The following CRYBB1 variants were observed in gnomAD, a reference collection of about 807,000 sequenced individuals.
The protein encoded by CRYBB1 is crystallin beta B1.
In CRYBB1, 16 loss-of-function variants were observed where a neutral mutation model predicts 29.5. The ratio of observed to expected loss-of-function variants is 0.54; its 90% CI spans 0.37 to 0.82. The LOEUF (loss-of-function observed/expected upper bound fraction) is 0.82, where lower values mean the gene tolerates loss of function less well. Among genes scored for constraint, CRYBB1 ranks in the 40% least tolerant of loss-of-function variants. The probability of loss-of-function intolerance (pLI) is 0.00; values close to 1 mark genes in which losing one functional copy is unlikely to be tolerated. For missense variants in CRYBB1, 300 were observed against 350.5 expected, an observed-to-expected ratio of 0.86 and a Z score of 1.15; for synonymous variants, 127 against 136.7, an observed-to-expected ratio of 0.93 and a Z score of 0.49.
At chr22:26,603,074 G>A (rs1157912519) in intron 4 of CRYBB1, among the ~76,000 whole-genome samples, 1 of 144,684 alleles carries the variant, frequency 6.9e-6, no homozygotes, top group Non-Finnish European at 1.5e-5. Flanking sequence ...GCAGTGAGCC[G>A]AGATCGTGCC....
chr22:26,605,500 C>A (rs534899864), intron 4 of CRYBB1, among the ~76,000 whole-genome samples: 72 of 151,874 alleles, frequency 4.7e-4, no homozygotes, highest in African/African-American at 1.6e-3. Context: ...ATGATGAAAC[C>A]CTGTCTCTAT....
chr22:26,607,366 G>A (rs1366561489), intron 4 of CRYBB1, among the ~76,000 whole-genome samples: 1 of 151,986 alleles, frequency 6.6e-6, no homozygotes, highest in Non-Finnish European at 1.5e-5. Flanking sequence ...CAACCAGCAT[G>A]TTTGGTGTTT....
At chr22:26,601,127 G>T (rs1400115559) in intron 5 of CRYBB1, among the ~76,000 whole-genome samples, 1 of 152,204 alleles carries the variant, frequency 6.6e-6, no homozygotes, top group African/African-American at 2.4e-5. Flanking sequence ...AAAGGCCATA[G>T]CCATGATGGT....
intron 3 of CRYBB1, 25 bp from the exon 4 acceptor site, chr22:26,608,046 C>G (rs1569205595): frequency 9.3e-6 from 15 of 1,614,056 alleles, no homozygotes; most frequent in African/African-American, 1.3e-5. Flanking sequence ...GACCATGAGG[C>G]AGACAGGAGA....
intron 3 of CRYBB1, among the ~76,000 whole-genome samples, chr22:26,608,962 T>G (rs1046732056): frequency 6.6e-6 from 1 of 152,284 alleles, no homozygotes; most frequent in East Asian, 1.9e-4. Context: ...TGAAGATTGA[T>G]TAAGGACAAG....
chr22:26,605,045 T>C (rs1928933538), intron 4 of CRYBB1, among the ~76,000 whole-genome samples: 3 of 152,164 alleles, frequency 2.0e-5, no homozygotes, highest in African/African-American at 7.2e-5. Context: ...ATCGTTGCTC[T>C]AGGAGTTTTG....
chr22:26,605,392 G>A (rs1426320126), intron 4 of CRYBB1, among the ~76,000 whole-genome samples: 1 of 152,132 alleles, frequency 6.6e-6, no homozygotes, highest in African/African-American at 2.4e-5. Context: ...CAGGCCAACT[G>A]GTTGGGCGCA....
At position 26,611,454 on chromosome 22, in the gene CRYBB1, G is replaced by GT. The variant is rs751632589; in HGVS notation, c.299+617dup. On this transcript the variant is annotated intron_variant, in intron 3 of 5. Coordinates refer to ENST00000647684, the MANE Select transcript of CRYBB1 (RefSeq NM_001887.4). Reference sequence around the variant, plus strand: ...AGCCCTCGGTAATGGGCTAGAGTTTGTTTTTTTTTTTTTTGTTTTTTTTTT... The same window carrying GT: ...AGCCCTCGGTAATGGGCTAGAGTTTGTTTTTTTTTTTTTTTGTTTTTTTTTT... 2.9e-3 allele frequency among the ~76,000 whole-genome samples: 414 copies of GT among 142,748 alleles called. 3 individuals are homozygous for GT. The highest frequency in any genetic ancestry group is 4.2e-3 in the Non-Finnish European group (270 of 64,778). 93.6% of individuals were successfully genotyped at this position (142,748 alleles called of 152,430 possible). A position where few individuals can be genotyped will look rare whatever the true frequency, so the allele number is the denominator to read the frequency against.
At chr22:26,599,958 A>G (rs976264195) in intron 5 of CRYBB1, among the ~76,000 whole-genome samples, 6 of 152,236 alleles carry the variant, frequency 3.9e-5, no homozygotes, top group African/African-American at 1.4e-4. Context: ...TTTGCTAAGC[A>G]TGTTGCCTGT....
rs779669919 is a variant in CRYBB1 at position 26,616,269 on chromosome 22, T to C, written c.51A>G (p.Pro17=). The change falls in exon 2 of 6, where the codon CCA becomes CCG. Residue 17 remains proline, a synonymous_variant. Coordinates refer to ENST00000647684, the MANE Select transcript of CRYBB1 (RefSeq NM_001887.4). The part of the protein sequence containing the change: ...ASASATVAVN[P]GPDTKGKGAP... ...CCCCCTTCCCCTTGGTGTCAGGCCC[T>C]GGGTTCACCGCCACTGTGGCCGAGG... The C allele has an allele frequency of 3.1e-6, 5 of 1,613,838 alleles. No individual in the cohort carries two copies. In the South Asian group the frequency reaches 5.5e-5, roughly 18 times the overall value.
At chr22:26,602,158 TG>T (rs1217423408) in intron 4 of CRYBB1, 137 bp from the exon 5 acceptor site, 6 of 1,091,606 alleles carry the variant, frequency 5.5e-6, no homozygotes, top group Non-Finnish European at 8.1e-6. Context: ...GGACCACTGC[TG>T]TCTAGTCTGG....
In CRYBB1 at chr22:26,599,574, C is replaced by T. The variant is rs1393271770; in HGVS notation, c.675G>A (p.Gln225=). The change falls in exon 6 of 6, where the codon CAG becomes CAA. Residue 225 remains glutamine, a synonymous_variant. Coordinates refer to ENST00000647684, the MANE Select transcript of CRYBB1 (RefSeq NM_001887.4). The stretch of plus-strand genomic sequence containing the variant: ...CACGCAGGCGACGCAGGGACTGCAT[C>T]TGTGGCTGGAAGGCTCCCCACTCAT... ...HWNEWGAFQP[Q]MQSLRRLRDK... is the part of the protein sequence containing the mutation. 2 of 1,614,236 alleles carry T rather than the reference C, an allele frequency of 1.2e-6. No individual in the cohort carries two copies. Among genetic ancestry groups the T allele is most frequent in the Non-Finnish European group, 1.7e-6 (2 of 1,180,044 alleles).
chr22:26,614,432 A>T (rs2145971385), intron 2 of CRYBB1, among the ~76,000 whole-genome samples: 1 of 152,304 alleles, frequency 6.6e-6, no homozygotes, highest in East Asian at 1.9e-4. Context: ...AAAAGAATCT[A>T]TGTGAATATC....
At chr22:26,613,948 G>A (rs1197925146) in intron 2 of CRYBB1, among the ~76,000 whole-genome samples, 2 of 152,122 alleles carry the variant, frequency 1.3e-5, no homozygotes, top group African/African-American at 4.8e-5. Flanking sequence ...GGCCCCCCTG[G>A]GCGTGGTCGT....
At chr22:26,617,475 T>C (rs1488041145) in intron 1 of CRYBB1, among the ~76,000 whole-genome samples, 1 of 152,172 alleles carries the variant, frequency 6.6e-6, no homozygotes, top group Non-Finnish European at 1.5e-5. Flanking sequence ...GTGCCCCCTG[T>C]TCACCAGGGG....
chr22:26,613,388 G>A (rs372913127), intron 2 of CRYBB1, among the ~76,000 whole-genome samples: 1 of 152,186 alleles, frequency 6.6e-6, no homozygotes, highest in Non-Finnish European at 1.5e-5. Context: ...TGTGTGCCCC[G>A]GGATGTTGCG....
intron 3 of CRYBB1, among the ~76,000 whole-genome samples, chr22:26,608,521 A>G (rs537171941): frequency 1.3e-5 from 2 of 152,314 alleles, no homozygotes; most frequent in South Asian, 2.1e-4. Flanking sequence ...CCAGCAGACA[A>G]TGGTGTAATA....
chr22:26,602,128 G>A, intron 4 of CRYBB1, 107 bp from the exon 5 acceptor site: 1 of 1,411,386 alleles, frequency 7.1e-7, no homozygotes, highest in African/African-American at 1.4e-5. Context: ...GCCTGTTCAG[G>A]CTGCTGGGGG....
chr22:26,616,015 A>AAAGGAGGAGAAAGAGGT, intron 2 of CRYBB1, 125 bp downstream of exon 2: 1 of 790,410 alleles, frequency 1.3e-6, no homozygotes, highest in Non-Finnish European at 2.2e-6. Flanking sequence ...AAGCCAAGAA[A>AAAGGAGGAGAAAGAGGT]AAGGAGGAGA....
Sources: gnomAD v4.1 joint callset for allele counts (sites outside exome capture counted in the v4.1 genomes callset) on GRCh38, gnomAD v4.1.1 for gene constraint, MANE v1.5 for transcripts, NCBI Gene and HGNC (gene_info 2026-07-23, HGNC 2026-07-21) for gene names.